The following CATSPERT variants were observed in gnomAD, a reference collection of about 807,000 sequenced individuals.
The protein encoded by CATSPERT is cation channel sperm-associated targeting subunit tau.
chr2:201,491,765 A>G, the CATSPERT span: 8 of 1,536,582 alleles, frequency 5.2e-6, no homozygotes, highest in South Asian at 9.5e-5. Flanking sequence ...CTATCAAGGG[A>G]CTTCATTTTC....
the CATSPERT span, among the ~76,000 whole-genome samples, chr2:201,603,925 T>A: frequency 6.6e-6 from 1 of 152,194 alleles, no homozygotes; most frequent in Non-Finnish European, 1.5e-5. Flanking sequence ...TTGTATATGA[T>A]AGGAGGTAGA....
chr2:201,514,237 C>T, the CATSPERT span, among the ~76,000 whole-genome samples: 8 of 152,070 alleles, frequency 5.3e-5, no homozygotes, highest in East Asian at 1.3e-3. Context: ...AACAACATTA[C>T]AAGAAAGCTA....
chr2:201,582,561 A>G, the CATSPERT span, among the ~76,000 whole-genome samples: 1 of 152,192 alleles, frequency 6.6e-6, no homozygotes, highest in Non-Finnish European at 1.5e-5. Flanking sequence ...TTGAAACTAC[A>G]CTATCAAAGA....
chr2:201,595,601 G>A, the CATSPERT span, among the ~76,000 whole-genome samples: 4 of 152,094 alleles, frequency 2.6e-5, no homozygotes, highest in Admixed American at 6.6e-5. Context: ...TAGGCTGCTC[G>A]GGGGTCAGGG....
At chr2:201,491,733 A>C in the CATSPERT span, 2 of 1,537,080 alleles carry the variant, frequency 1.3e-6, no homozygotes, top group Non-Finnish European at 1.7e-6. Context: ...CAGTCCATTT[A>C]TAGATGTTTA....
the CATSPERT span, among the ~76,000 whole-genome samples, chr2:201,501,660 A>T: frequency 6.6e-6 from 1 of 152,160 alleles, no homozygotes; most frequent in Non-Finnish European, 1.5e-5. Flanking sequence ...AGCTAAATTG[A>T]TTAAGAAAAA....
At chr2:201,615,282 C>G in the CATSPERT span, among the ~76,000 whole-genome samples, 1 of 152,196 alleles carries the variant, frequency 6.6e-6, no homozygotes, top group South Asian at 2.1e-4. Flanking sequence ...CACACTTATT[C>G]CAAAATTGAC....
chr2:201,571,725 C>T, the CATSPERT span, among the ~76,000 whole-genome samples: 1 of 152,140 alleles, frequency 6.6e-6, no homozygotes, highest in African/African-American at 2.4e-5. Flanking sequence ...CATACGTCCT[C>T]AACTCCTCTA....
chr2:201,554,720 C>T, the CATSPERT span: 1 of 152,066 alleles, frequency 6.6e-6, no homozygotes, highest in East Asian at 1.9e-4. Context: ...CATTTACTGC[C>T]ACAGAACTAA....
chr2:201,609,206 T>A, the CATSPERT span, among the ~76,000 whole-genome samples: 6 of 152,272 alleles, frequency 3.9e-5, no homozygotes, highest in Admixed American at 6.5e-5. Context: ...TAGTATTACA[T>A]CCAAAGGGAA....
chr2:201,494,973 A>T, the CATSPERT span, among the ~76,000 whole-genome samples: 1 of 152,088 alleles, frequency 6.6e-6, no homozygotes, highest in Non-Finnish European at 1.5e-5. Context: ...TTCTGACACT[A>T]TTTTGTGTCC....
the CATSPERT span, among the ~76,000 whole-genome samples, chr2:201,521,178 A>G: frequency 5.9e-5 from 9 of 152,230 alleles, no homozygotes; most frequent in Non-Finnish European, 1.2e-4. Context: ...TTAAAGAAGA[A>G]TTAATACCAA....
the CATSPERT span, among the ~76,000 whole-genome samples, chr2:201,519,486 G>A: frequency 1.7e-4 from 26 of 151,942 alleles, no homozygotes; most frequent in African/African-American, 6.3e-4. Context: ...AAAGGAACAC[G>A]ATAATTATCT....
At chr2:201,568,021 A>C in the CATSPERT span, among the ~76,000 whole-genome samples, 1 of 152,208 alleles carries the variant, frequency 6.6e-6, no homozygotes, top group African/African-American at 2.4e-5. Context: ...ATTACCTCCA[A>C]AATCCAAAGA....
the CATSPERT span, among the ~76,000 whole-genome samples, chr2:201,616,064 A>G: frequency 1.3e-5 from 2 of 152,358 alleles, no homozygotes; most frequent in East Asian, 3.9e-4. Context: ...GACAATAATT[A>G]CTAGCCTACC....
At chr2:201,492,460 A>G in the CATSPERT span, 2 of 1,533,438 alleles carry the variant, frequency 1.3e-6, no homozygotes, top group Non-Finnish European at 1.7e-6. Flanking sequence ...AGGATATTTC[A>G]TGTTTATTTC....
At chr2:201,565,068 G>C in the CATSPERT span, among the ~76,000 whole-genome samples, 4 of 150,894 alleles carry the variant, frequency 2.7e-5, no homozygotes, top group Non-Finnish European at 4.4e-5. Flanking sequence ...AAAATACCCA[G>C]ACTGAAGCAT....
At chr2:201,581,787 T>C in the CATSPERT span, among the ~76,000 whole-genome samples, 2 of 151,028 alleles carry the variant, frequency 1.3e-5, no homozygotes, top group East Asian at 2.0e-4. Context: ...TTTGTATTTT[T>C]AGTAGAGATG....
the CATSPERT span, chr2:201,558,265 G>T: frequency 6.6e-6 from 1 of 152,188 alleles, no homozygotes; most frequent in Non-Finnish European, 1.5e-5. Flanking sequence ...AACTGTCTTA[G>T]TATTATCTCC....
Sources: allele counts gnomAD v4.1 joint callset (sites outside exome capture counted in the v4.1 genomes callset), GRCh38; gene constraint gnomAD v4.1.1; transcripts MANE v1.5; gene names NCBI Gene and HGNC (gene_info 2026-07-23, HGNC 2026-07-21).